Variants in HDAC9 observed in about 807,000 individuals in gnomAD.
HDAC9 encodes the protein MEF-2 interacting transcription repressor (MITR) protein.
HDAC9 carries 41 observed loss-of-function variants against 139.4 expected under a neutral mutation model. The observed-to-expected ratio is 0.29, with a 90% confidence interval of 0.23 to 0.38. The LOEUF (loss-of-function observed/expected upper bound fraction) is 0.38. Ranked by LOEUF, HDAC9 falls within the 10% of genes least tolerant of loss-of-function variation. The pLI is 1.00. For synonymous variants in HDAC9, 517 were observed against 476.2 expected (o/e 1.09, Z -1.12); for missense variants, 1,147 against 1,297.0 (o/e 0.88, Z 1.78).
At chr7:18,356,606 A>C (rs1446341268) in intron 1 of HDAC9, among the ~76,000 whole-genome samples, 1 of 152,058 alleles carries the variant, frequency 6.6e-6, no homozygotes, top group African/African-American at 2.4e-5. Context: ...GGAACATAGG[A>C]GTAATTTCAG....
chr7:18,695,639 G>A (rs572817251), intron 12 of HDAC9, among the ~76,000 whole-genome samples: 14 of 152,286 alleles, frequency 9.2e-5, no homozygotes, highest in South Asian at 6.2e-4. Context: ...TGACCTTGAT[G>A]TCAGGTTTGT....
intron 12 of HDAC9, among the ~76,000 whole-genome samples, chr7:18,695,685 G>A (rs1782991601): frequency 6.6e-6 from 1 of 152,134 alleles, no homozygotes; most frequent in Admixed American, 6.5e-5. Context: ...TGAACGGGTG[G>A]TTTATGAGTG....
intron 2 of HDAC9, chr7:18,509,536 C>A: frequency 2.6e-6 from 2 of 760,060 alleles, no homozygotes; most frequent in Non-Finnish European, 3.2e-6. Context: ...TTAAATGAGG[C>A]TGCTTGTTTA....
intron 2 of HDAC9, among the ~76,000 whole-genome samples, chr7:18,272,655 C>T (rs1796427183): frequency 6.6e-6 from 1 of 151,964 alleles, no homozygotes; most frequent in African/African-American, 2.4e-5. Flanking sequence ...TAATGAAAGT[C>T]ATTTAAGAAG....
At chr7:18,745,531 CTTTTTTTTT>C (rs565092002) in intron 13 of HDAC9, among the ~76,000 whole-genome samples, 6 of 90,512 alleles carry the variant, frequency 6.6e-5, no homozygotes, top group African/African-American at 1.4e-4. Context: ...ACTCTCTACT[CTTTTTTTTT>C]TTTTTTTTTT....
intron 2 of HDAC9, among the ~76,000 whole-genome samples, chr7:18,269,312 C>G (rs945437143): frequency 6.6e-6 from 1 of 152,072 alleles, no homozygotes; most frequent in African/African-American, 2.4e-5. Context: ...TACTCTAGGG[C>G]TTTGGAAAAA....
intron 6 of HDAC9, among the ~76,000 whole-genome samples, chr7:18,612,889 T>A (rs1363223032): frequency 6.6e-6 from 1 of 151,932 alleles, no homozygotes; most frequent in Non-Finnish European, 1.5e-5. Flanking sequence ...AGTTTATGTT[T>A]ACAGAAAGTT....
chr7:18,260,954 G>A (rs149913800), intron 2 of HDAC9, among the ~76,000 whole-genome samples: 1 of 152,212 alleles, frequency 6.6e-6, no homozygotes, highest in Non-Finnish European at 1.5e-5. Context: ...TCCGGCCATA[G>A]AATAGGTGCC....
intron 25 of HDAC9, among the ~76,000 whole-genome samples, chr7:18,985,218 A>AC (rs917319990): frequency 1.7e-4 from 25 of 149,292 alleles, no homozygotes; most frequent in Admixed American, 3.3e-4. Context: ...TGCTATCCCT[A>AC]CCCCCCCAAC....
Position 18,644,730 on chromosome 7 carries a change from T to A in HDAC9, c.972T>A (p.Leu324=). The part of the protein sequence containing the change: ...IHEDSMNLLS[L]YTSPSLPNIT... ...AAGATTCCATGAACCTGCTAAGTCT[T>A]TATACCTCTCCTTCTTTGCCCAACA... Residue 324 remains leucine (L), a synonymous_variant, in exon 9 of 26, where the codon CTT becomes CTA. Transcript: ENST00000686413. 1.2e-6 allele frequency: 2 copies of A among 1,612,444 alleles called. No homozygotes were observed. The highest frequency in any genetic ancestry group is 1.7e-6 in the Non-Finnish European group (2 of 1,179,058).
intron 22 of HDAC9, among the ~76,000 whole-genome samples, chr7:18,923,243 A>G (rs894005891): frequency 6.6e-6 from 1 of 152,052 alleles, no homozygotes; most frequent in Admixed American, 6.6e-5. Flanking sequence ...AATTTTAACT[A>G]TTTTTGAAAA....
chr7:18,145,337 A>AT (rs1786230016), intron 1 of HDAC9, among the ~76,000 whole-genome samples: 2 of 152,218 alleles, frequency 1.3e-5, no homozygotes, highest in Admixed American at 6.5e-5. Context: ...GAAGTGATAA[A>AT]TACAGGGTGA....
intron 15 of HDAC9, among the ~76,000 whole-genome samples, chr7:18,764,166 G>T (rs1789625416): frequency 6.6e-6 from 1 of 151,916 alleles, no homozygotes; most frequent in Non-Finnish European, 1.5e-5. Flanking sequence ...TTGGACAAAG[G>T]TTCTTTTCAT....
chr7:18,305,069 G>C (rs1011155084), intron 1 of HDAC9, among the ~76,000 whole-genome samples: 1 of 152,120 alleles, frequency 6.6e-6, no homozygotes, highest in African/African-American at 2.4e-5. Flanking sequence ...TCTTCCTTCA[G>C]GGCAGGAAGA....
Position 18,252,850 on chromosome 7 carries a change from A to G in HDAC9, c.25+90501A>G, listed in dbSNP as rs1795005100. ...CTTGCACCACGGGACTTTGCTGTAC[A>G]CATTATTTCATCACCCAGGTATTAA... On this transcript the variant is annotated intron_variant, in intron 2 of 12. Transcript: ENST00000417496. Among the ~76,000 whole-genome samples, 4 of 152,168 alleles carry G rather than the reference A, an allele frequency of 2.6e-5. No homozygotes were observed. The South Asian group carries it at 8.3e-4, about 31-fold the overall frequency.
At chr7:18,733,213 CT>C (rs1786536622) in intron 13 of HDAC9, among the ~76,000 whole-genome samples, 1 of 146,356 alleles carries the variant, frequency 6.8e-6, no homozygotes, top group Admixed American at 6.8e-5. Context: ...ATACATGTGT[CT>C]ATACGTATAT....
chr7:18,867,396 A>G (rs1798575117), intron 21 of HDAC9, among the ~76,000 whole-genome samples: 1 of 152,164 alleles, frequency 6.6e-6, no homozygotes, highest in Non-Finnish European at 1.5e-5. Context: ...TACATTGTCA[A>G]GTAAGTTATT....
At chr7:18,528,383 A>G (rs1807655274) in intron 2 of HDAC9, among the ~76,000 whole-genome samples, 1 of 152,124 alleles carries the variant, frequency 6.6e-6, no homozygotes, top group South Asian at 2.1e-4. Context: ...ATAAGTGAAA[A>G]CAGAAAAAAA....
At chr7:18,216,315 T>G (rs1401021125) in intron 2 of HDAC9, among the ~76,000 whole-genome samples, 1 of 152,182 alleles carries the variant, frequency 6.6e-6, no homozygotes, top group Non-Finnish European at 1.5e-5. Flanking sequence ...ATCTCTTATT[T>G]TTATTAGATA....
Sources: gnomAD v4.1 joint callset for allele counts (sites outside exome capture counted in the v4.1 genomes callset) on GRCh38, gnomAD v4.1.1 for gene constraint, MANE v1.5 for transcripts, NCBI Gene and HGNC (gene_info 2026-07-23, HGNC 2026-07-21) for gene names.